Variants in SRP54 observed in about 807,000 individuals in gnomAD.
SRP54 encodes signal recognition particle 54.
SRP54 carries 10 observed loss-of-function variants against 64.8 expected under a neutral mutation model. The observed-to-expected ratio is 0.15, with a 90% CI of 0.10 to 0.26. The LOEUF (loss-of-function observed/expected upper bound fraction) is 0.26, where lower values mean the gene tolerates loss of function less well. SRP54 is among the 10% of genes least tolerant of loss of function. The probability of loss-of-function intolerance (pLI) is 1.00; values close to 1 mark genes in which losing one functional copy is unlikely to be tolerated. For synonymous variants in SRP54, 193 were observed against 185.6 expected, an observed-to-expected ratio of 1.04 and a Z score of -0.32; for missense variants, 325 against 613.7, an observed-to-expected ratio of 0.53 and a Z score of 4.97.
intron 11 of SRP54, among the ~76,000 whole-genome samples, chr14:35,017,273 T>C (rs138230916): frequency 0.013 from 1,986 of 152,300 alleles, 19 homozygotes; most frequent in Non-Finnish European, 0.018. Context: ...AGTCTCTACA[T>C]TTTTGTTTCT....
intron 1 of SRP54, among the ~76,000 whole-genome samples, chr14:34,985,682 T>C (rs1364872947): frequency 6.6e-6 from 1 of 152,238 alleles, no homozygotes; most frequent in Non-Finnish European, 1.5e-5. Context: ...GGACATGTTA[T>C]TAAATACTTA....
intron 4 of SRP54, among the ~76,000 whole-genome samples, chr14:35,003,039 C>T (rs1475364730): frequency 6.6e-6 from 1 of 152,100 alleles, no homozygotes; most frequent in East Asian, 1.9e-4. Flanking sequence ...AGCCACTTTG[C>T]CTGGCCAGAA....
intron 4 of SRP54, among the ~76,000 whole-genome samples, chr14:35,003,502 G>A (rs1431569071): frequency 2.0e-5 from 3 of 152,006 alleles, no homozygotes; most frequent in Non-Finnish European, 4.4e-5. Flanking sequence ...AGCCTCCAGA[G>A]AAGCTAGGAC....
chr14:35,024,752 A>T (rs536820189), intron 14 of SRP54, among the ~76,000 whole-genome samples: 1 of 151,094 alleles, frequency 6.6e-6, no homozygotes, highest in African/African-American at 2.4e-5. Flanking sequence ...TTTGAGACAG[A>T]GTCTTGCTCT....
intron 14 of SRP54, 34 bp from the exon 15 acceptor site, chr14:35,028,054 C>T (rs367950533): frequency 2.2e-5 from 32 of 1,473,854 alleles, no homozygotes; most frequent in African/African-American, 1.8e-4. Flanking sequence ...TTACCTCCTA[C>T]GCTGACTCAA....
At chr14:35,012,535 G>A (rs1385932181) in intron 8 of SRP54, among the ~76,000 whole-genome samples, 1 of 152,114 alleles carries the variant, frequency 6.6e-6, no homozygotes. Flanking sequence ...AAGGGAAGTA[G>A]CCTCAAGTAT....
intron 8 of SRP54, among the ~76,000 whole-genome samples, chr14:35,011,934 T>A (rs2139004878): frequency 6.6e-6 from 1 of 152,248 alleles, no homozygotes; most frequent in East Asian, 1.9e-4. Flanking sequence ...AAATTAGTAA[T>A]TAGGCCGGGT....
chr14:34,994,291 G>T (rs7145608), intron 1 of SRP54, among the ~76,000 whole-genome samples: 30,023 of 152,012 alleles, frequency 0.2, 3,210 homozygotes, highest in East Asian at 0.38. Context: ...GAGCCACCAC[G>T]CCTGGTGCTG....
chr14:34,993,893 C>G (rs923235892), intron 1 of SRP54, among the ~76,000 whole-genome samples: 4 of 152,074 alleles, frequency 2.6e-5, no homozygotes, highest in East Asian at 3.9e-4. Context: ...CGGGGTTTCT[C>G]CATTTTGGTC....
At chr14:35,004,875 G>A (rs2044232463) in intron 4 of SRP54, among the ~76,000 whole-genome samples, 1 of 152,142 alleles carries the variant, frequency 6.6e-6, no homozygotes, top group Non-Finnish European at 1.5e-5. Flanking sequence ...ATAAGAAAAT[G>A]TATTTTCCTC....
At chr14:34,993,578 A>G (rs1036311432) in intron 1 of SRP54, 1 of 152,142 alleles carries the variant, frequency 6.6e-6, no homozygotes, top group African/African-American at 2.4e-5. Flanking sequence ...TGCCAGTGAT[A>G]GGTCCTCAAA....
At chr14:35,020,502 T>TAAA (rs1345311530) in intron 13 of SRP54, among the ~76,000 whole-genome samples, 11 of 152,260 alleles carry the variant, frequency 7.2e-5, no homozygotes, top group African/African-American at 2.7e-4. Context: ...CTGCTGCTGC[T>TAAA]GCTTTATCAA....
intron 13 of SRP54, among the ~76,000 whole-genome samples, chr14:35,020,675 CCTCA>C (rs2044515474): frequency 6.6e-6 from 1 of 151,444 alleles, no homozygotes; most frequent in South Asian, 2.1e-4. Flanking sequence ...TGTTTTTTTT[CCTCA>C]CTGTCTTTAA....
At chr14:35,028,748 T>C (rs923803413) in intron 15 of SRP54, among the ~76,000 whole-genome samples, 1 of 152,206 alleles carries the variant, frequency 6.6e-6, no homozygotes, top group Non-Finnish European at 1.5e-5. Flanking sequence ...AAGACCCTTT[T>C]GGATTTATAA....
chr14:34,996,519 C>G (rs2044075469), intron 1 of SRP54, among the ~76,000 whole-genome samples, 158 bp from the exon 2 acceptor site: 1 of 152,118 alleles, frequency 6.6e-6, no homozygotes, highest in African/African-American at 2.4e-5. Context: ...GCAGTTTTAT[C>G]TTTATGACAT....
At chr14:34,994,970 G>A (rs2044043069) in intron 1 of SRP54, among the ~76,000 whole-genome samples, 1 of 127,456 alleles carries the variant, frequency 7.8e-6, no homozygotes, top group Non-Finnish European at 1.6e-5. Context: ...AAGAGTTGAA[G>A]TCCTGCCTGC....
At chr14:35,027,481 G>A (rs2044650995) in intron 14 of SRP54, among the ~76,000 whole-genome samples, 1 of 152,186 alleles carries the variant, frequency 6.6e-6, no homozygotes, top group Non-Finnish European at 1.5e-5. Flanking sequence ...TGGCTGACCA[G>A]GTACGGTGTC....
intron 10 of SRP54, 24 bp downstream of exon 10, chr14:35,013,926 G>C: frequency 6.7e-7 from 1 of 1,488,274 alleles, no homozygotes; most frequent in East Asian, 2.3e-5. Flanking sequence ...TGGGGATATA[G>C]AAAAATCTCC....
At chr14:35,026,980 T>A (rs1175630488) in intron 14 of SRP54, among the ~76,000 whole-genome samples, 4 of 150,638 alleles carry the variant, frequency 2.7e-5, no homozygotes, top group Admixed American at 6.6e-5. Flanking sequence ...CTTAGATACA[T>A]ACACATCTTC....
Sources: allele counts gnomAD v4.1 joint callset (sites outside exome capture counted in the v4.1 genomes callset), GRCh38; gene constraint gnomAD v4.1.1; transcripts MANE v1.5; gene names NCBI Gene and HGNC (gene_info 2026-07-23, HGNC 2026-07-21).